GRID1: variants seen among roughly 807,000 people sequenced by gnomAD.
GRID1 encodes the protein glutamate receptor ionotropic, delta-1.
In GRID1, 28 loss-of-function variants were observed where a neutral mutation model predicts 98.0. That is an observed-to-expected ratio of 0.29 (90% confidence interval 0.21 to 0.39). GRID1 has a LOEUF of 0.39. GRID1 is among the 10% of genes least tolerant of loss of function. The probability of loss-of-function intolerance (pLI) is 1.00; values close to 1 mark genes in which losing one functional copy is unlikely to be tolerated. For missense variants in GRID1, 1,111 were observed against 1,340.5 expected (o/e 0.83, Z 2.67); for synonymous variants, 553 against 538.5 (o/e 1.03, Z -0.37).
intron 8 of GRID1, among the ~76,000 whole-genome samples, chr10:85,788,493 C>A (rs987940604): frequency 1.3e-5 from 2 of 152,212 alleles, no homozygotes; most frequent in African/African-American, 4.8e-5. Flanking sequence ...ACCAATGTGG[C>A]TGGCCCACAG....
At chr10:85,809,302 C>A (rs554176117) in intron 8 of GRID1, among the ~76,000 whole-genome samples, 1 of 152,066 alleles carries the variant, frequency 6.6e-6, no homozygotes, top group Non-Finnish European at 1.5e-5. Context: ...GAAAGTATCA[C>A]AACTTAAATT....
chr10:86,230,058 T>G (rs1846426454), intron 2 of GRID1, among the ~76,000 whole-genome samples: 1 of 152,156 alleles, frequency 6.6e-6, no homozygotes, highest in South Asian at 2.1e-4. Flanking sequence ...CCCCAGCCCC[T>G]GCATCCTGCT....
intron 4 of GRID1, among the ~76,000 whole-genome samples, chr10:86,052,151 C>T (rs77614375): frequency 0.071 from 10,799 of 151,850 alleles, 453 homozygotes; most frequent in African/African-American, 0.11. Flanking sequence ...CCTCTTAAGA[C>T]GTGCTATGGA....
chr10:85,794,946 C>T (rs1842513144), intron 8 of GRID1, among the ~76,000 whole-genome samples: 1 of 152,118 alleles, frequency 6.6e-6, no homozygotes, highest in Admixed American at 6.5e-5. Flanking sequence ...ACATAGGTCT[C>T]CAGTTGAAAA....
chr10:86,062,423 C>T (rs972156393), intron 4 of GRID1, among the ~76,000 whole-genome samples: 1 of 152,162 alleles, frequency 6.6e-6, no homozygotes, highest in African/African-American at 2.4e-5. Context: ...GGAGGTCCCA[C>T]TCAGATTCGC....
intron 12 of GRID1, among the ~76,000 whole-genome samples, chr10:85,659,034 A>G (rs1840934878): frequency 1.3e-5 from 2 of 152,230 alleles, no homozygotes; most frequent in Admixed American, 1.3e-4. Context: ...TTCCCTAGAC[A>G]ATTATGGGGC....
At chr10:86,258,013 T>C (rs1394853579) in intron 2 of GRID1, among the ~76,000 whole-genome samples, 1 of 152,182 alleles carries the variant, frequency 6.6e-6, no homozygotes, top group Admixed American at 6.5e-5. Context: ...ATGGTGCTGG[T>C]TGGTGTCCCG....
chr10:86,126,283 G>A (rs1192847188), intron 4 of GRID1, among the ~76,000 whole-genome samples: 2 of 152,056 alleles, frequency 1.3e-5, no homozygotes, highest in Admixed American at 6.5e-5. Context: ...GCGAAACCCC[G>A]TCTCTACTAA....
intron 4 of GRID1, among the ~76,000 whole-genome samples, chr10:85,975,439 A>AT (rs1842460016): frequency 6.6e-6 from 1 of 152,180 alleles, no homozygotes; most frequent in African/African-American, 2.4e-5. Flanking sequence ...GGCCATCCAC[A>AT]TTTAGGGCCA....
At chr10:85,766,951 G>A (rs1423874665) in intron 8 of GRID1, among the ~76,000 whole-genome samples, 2 of 152,092 alleles carry the variant, frequency 1.3e-5, no homozygotes, top group South Asian at 4.1e-4. Context: ...GATCTGCCCT[G>A]CCTGTGTGTA....
At chr10:85,650,402 C>T (rs1279975605) in intron 12 of GRID1, 2 of 152,180 alleles carry the variant, frequency 1.3e-5, no homozygotes, top group Admixed American at 1.3e-4. Context: ...ATGAAGGAGA[C>T]GTGCCTATCA....
intron 8 of GRID1, among the ~76,000 whole-genome samples, chr10:85,791,878 G>C (rs549928165): frequency 6.6e-6 from 1 of 152,230 alleles, no homozygotes; most frequent in East Asian, 1.9e-4. Context: ...CAAAGCCAGG[G>C]GACCCTGGGC....
intron 13 of GRID1, among the ~76,000 whole-genome samples, chr10:85,621,561 A>G (rs1842859991): frequency 6.6e-6 from 1 of 152,154 alleles, no homozygotes; most frequent in South Asian, 2.1e-4. Flanking sequence ...CTGCAGTGGG[A>G]AGAGCCTGTT....
At chr10:85,661,416 T>G (rs778530795) in intron 12 of GRID1, among the ~76,000 whole-genome samples, 2 of 152,216 alleles carry the variant, frequency 1.3e-5, no homozygotes, top group African/African-American at 4.8e-5. Context: ...ATGCACTTTT[T>G]TCTCTGAAAC....
At chr10:86,225,435 A>G (rs1846325075) in intron 2 of GRID1, among the ~76,000 whole-genome samples, 1 of 152,234 alleles carries the variant, frequency 6.6e-6, no homozygotes, top group South Asian at 2.1e-4. Context: ...TTTAAGCATA[A>G]TCGTATTCAG....
intron 9 of GRID1, 85 bp from the exon 10 acceptor site, chr10:85,728,137 T>C (rs1165675562): frequency 9.9e-7 from 1 of 1,013,382 alleles, no homozygotes; most frequent in East Asian, 2.4e-5. Context: ...GAGAAAGATC[T>C]GATTAGAACA....
intron 5 of GRID1, among the ~76,000 whole-genome samples, chr10:85,906,082 C>G (rs1209590037): frequency 1.3e-5 from 2 of 151,858 alleles, no homozygotes; most frequent in Non-Finnish European, 2.9e-5. Context: ...TAACACAAGT[C>G]AAAATAAATA....
chr10:85,610,398 G>A (rs972063570), intron 15 of GRID1, among the ~76,000 whole-genome samples: 1 of 152,020 alleles, frequency 6.6e-6, no homozygotes, highest in African/African-American at 2.4e-5. Context: ...CCTTCCTCAC[G>A]TTGACACTTC....
chr10:85,875,424 T>C (rs977167882), intron 5 of GRID1, among the ~76,000 whole-genome samples: 1 of 152,202 alleles, frequency 6.6e-6, no homozygotes, highest in Non-Finnish European at 1.5e-5. Context: ...AAACCTAATA[T>C]ACTAGATATT....
Sources: gnomAD v4.1 joint callset for allele counts (sites outside exome capture counted in the v4.1 genomes callset) on GRCh38, gnomAD v4.1.1 for gene constraint, MANE v1.5 for transcripts, NCBI Gene and HGNC (gene_info 2026-07-23, HGNC 2026-07-21) for gene names.